Variants in RBM20 observed in about 807,000 individuals in gnomAD.
RBM20 encodes RNA binding motif protein 20, also known as RNA-binding protein 20.
In RBM20, 51 loss-of-function variants were observed where a neutral mutation model predicts 110.1. That is an observed-to-expected ratio of 0.46 (90% CI 0.37 to 0.59). The LOEUF is 0.59. Ranked by LOEUF, RBM20 falls within the 20% of genes least tolerant of loss-of-function variation. The pLI, the probability that RBM20 is intolerant of heterozygous loss-of-function variation, is 0.00. For missense variants in RBM20, 1,512 were observed against 1,574.9 expected, an observed-to-expected ratio of 0.96 and a Z score of 0.68; for synonymous variants, 589 against 618.2, an observed-to-expected ratio of 0.95 and a Z score of 0.70.
At chr10:110,814,805 T>C (rs1400235563) in intron 9 of RBM20, among the ~76,000 whole-genome samples, 2 of 152,204 alleles carry the variant, frequency 1.3e-5, no homozygotes, top group African/African-American at 2.4e-5. Flanking sequence ...AGATTCTTGA[T>C]AGAAGCAGAA....
intron 1 of RBM20, among the ~76,000 whole-genome samples, chr10:110,751,516 C>A (rs1843853428): frequency 6.6e-6 from 1 of 152,210 alleles, no homozygotes; most frequent in South Asian, 2.1e-4. Context: ...CTTTCCTACA[C>A]ATAAAATAAT....
In RBM20 at chr10:110,778,149, A is replaced by G. The variant is rs1177193491; in HGVS notation, c.192-2652A>G. On this transcript the variant is annotated intron_variant, in intron 1 of 13. Transcript: ENST00000369519. ...TTGTTTGCAACCAGCCCGGCTCCCC[A>G]AAGGAGAACAGGGCTGTAACTACCT... Among the ~76,000 whole-genome samples, 3 of 152,192 alleles carry G rather than the reference A, an allele frequency of 2.0e-5. No individual in the cohort carries two copies. The East Asian group carries it at 5.8e-4, about 29-fold the overall frequency.
In RBM20 at chr10:110,801,610, C is replaced by T. The variant is rs2135082291; in HGVS notation, c.1800+1692C>T. ...AGCGCAGTGGTGCAATTTTGGCTCA[C>T]TGCAATCTCCACCTCCCAGGTTCAA... On this transcript the variant is annotated intron_variant, in intron 7 of 13. Coordinates refer to ENST00000369519, the MANE Select transcript of RBM20 (RefSeq NM_001134363.3). Among the ~76,000 whole-genome samples, 3 of 151,850 alleles carry T rather than the reference C, an allele frequency of 2.0e-5. No homozygotes were observed. The Middle Eastern group carries it at 0.01, about 516-fold the overall frequency.
chr10:110,695,429 A>G (rs1862648458), intron 1 of RBM20, among the ~76,000 whole-genome samples: 2 of 152,204 alleles, frequency 1.3e-5, no homozygotes, highest in African/African-American at 2.4e-5. Flanking sequence ...ATTTCAGAGC[A>G]GTGTGTTTGT....
At chr10:110,822,235 T>C (rs1844923807) in intron 11 of RBM20, among the ~76,000 whole-genome samples, 1 of 152,208 alleles carries the variant, frequency 6.6e-6, no homozygotes. Context: ...TAACTAAAAT[T>C]AGACTGGGTT....
intron 1 of RBM20, among the ~76,000 whole-genome samples, chr10:110,669,557 A>G (rs1862230338): frequency 6.6e-6 from 1 of 152,214 alleles, no homozygotes; most frequent in Non-Finnish European, 1.5e-5. Context: ...TTGCTTTCAA[A>G]TCTGAAAACT....
intron 1 of RBM20, among the ~76,000 whole-genome samples, chr10:110,748,339 AGCCCTGTGGGGAGGGCTCATGG>A (rs1843809664): frequency 6.6e-6 from 1 of 152,212 alleles, no homozygotes; most frequent in Non-Finnish European, 1.5e-5. Flanking sequence ...CAAGCCAGTG[AGCCCTGTGGGGAGGGCTCATGG>A]GCCCTGGACT....
At chr10:110,752,277 A>G (rs1044732726) in intron 1 of RBM20, among the ~76,000 whole-genome samples, 4 of 152,194 alleles carry the variant, frequency 2.6e-5, no homozygotes, top group African/African-American at 9.7e-5. Flanking sequence ...AGAATGTCAC[A>G]TAGTTAAAAT....
chr10:110,831,730 A>G (rs1244948472), intron 13 of RBM20, among the ~76,000 whole-genome samples: 1 of 151,810 alleles, frequency 6.6e-6, no homozygotes, highest in Non-Finnish European at 1.5e-5. Flanking sequence ...CCATACAGCA[A>G]ATACTTATCA....
chr10:110,643,262 G>C (rs1186166537), upstream of RBM20, among the ~76,000 whole-genome samples: 2 of 152,250 alleles, frequency 1.3e-5, no homozygotes, highest in East Asian at 3.9e-4. Context: ...CTGTATGCCG[G>C]ACAGCCGGTA....
chr10:110,799,131 A>G (rs1337924233), intron 6 of RBM20, among the ~76,000 whole-genome samples: 1 of 152,178 alleles, frequency 6.6e-6, no homozygotes, highest in African/African-American at 2.4e-5. Context: ...ATTTTTTTAT[A>G]AGGAAAGTAG....
At chr10:110,831,008 C>A (rs749654629) in intron 12 of RBM20, 53 bp from the exon 13 acceptor site, 4 of 1,499,976 alleles carry the variant, frequency 2.7e-6, no homozygotes, top group Middle Eastern at 1.7e-4. Flanking sequence ...GACACAGGGG[C>A]CTGCCTCCCA....
chr10:110,787,463 CT>C (rs2135055618), intron 5 of RBM20, among the ~76,000 whole-genome samples: 2 of 152,346 alleles, frequency 1.3e-5, no homozygotes, highest in African/African-American at 4.8e-5. Context: ...GAAACCCATG[CT>C]GTCTAAGGCT....
chr10:110,694,739 A>G (rs1457131735), intron 1 of RBM20, among the ~76,000 whole-genome samples: 1 of 152,210 alleles, frequency 6.6e-6, no homozygotes, highest in Non-Finnish European at 1.5e-5. Context: ...GGATTATACC[A>G]TAAGAAGGCA....
At chr10:110,667,421 C>G (rs1217035775) in intron 1 of RBM20, among the ~76,000 whole-genome samples, 2 of 152,018 alleles carry the variant, frequency 1.3e-5, no homozygotes, top group Non-Finnish European at 1.5e-5. Context: ...CTACCTGGCT[C>G]CATTTTATTT....
At chr10:110,791,082 G>T (rs1318223318) in intron 5 of RBM20, among the ~76,000 whole-genome samples, 2 of 152,176 alleles carry the variant, frequency 1.3e-5, no homozygotes, top group East Asian at 3.8e-4. Context: ...TAAAATATTT[G>T]AAAGCATCAA....
Position 110,771,153 on chromosome 10 carries a change from G to GT in RBM20, c.192-9648_192-9647insT, listed in dbSNP as rs200768745. 2.6e-3 allele frequency among the ~76,000 whole-genome samples: 400 copies of GT among 151,814 alleles called. 9 individuals are homozygous for GT. The East Asian group carries it at 0.052, about 20-fold the overall frequency. ...CATGTCCATGGATAAATTTTTTTTTGGTTTTTTTTGTGGGTTTTTTTGAGA... is the reference window on the plus strand; with the variant it reads ...CATGTCCATGGATAAATTTTTTTTTGTGTTTTTTTTGTGGGTTTTTTTGAGA... On this transcript the variant is annotated intron_variant, in intron 1 of 13. Transcript: ENST00000369519.
intron 1 of RBM20, among the ~76,000 whole-genome samples, chr10:110,751,989 A>G (rs77463989): frequency 0.013 from 2,018 of 152,186 alleles, 43 homozygotes; most frequent in African/African-American, 0.046. Context: ...CCTATGGCCA[A>G]CATCCCCCAC....
Position 110,644,435 on chromosome 10 carries a change from C to A in RBM20, c.-20C>A. The A allele has an allele frequency of 6.9e-7, 1 of 1,458,902 alleles. No homozygotes were observed. The highest frequency in any genetic ancestry group is 1.4e-5 in the South Asian group (1 of 73,310). The allele number at this position is 1,458,902 out of a possible 1,614,324, so 90.4% of individuals were successfully genotyped here. A position where few individuals can be genotyped will look rare whatever the true frequency, so the allele number is the denominator to read the frequency against. On this transcript the variant is annotated 5_prime_UTR_variant, in exon 1 of 14. Transcript: ENST00000369519. This position sits in a 1 kb window ranked among gnomAD's most constrained non-coding sequence, Gnocchi z 4.3. Reference sequence around the variant, plus strand: ...TCCCTTGAGCTCTCTCGCCGCGATCCCGGGCGGGTCTCGCCCCGCATGGTG... The same window carrying A: ...TCCCTTGAGCTCTCTCGCCGCGATCACGGGCGGGTCTCGCCCCGCATGGTG...
Sources: allele counts gnomAD v4.1 joint callset (sites outside exome capture counted in the v4.1 genomes callset), GRCh38; gene constraint gnomAD v4.1.1; non-coding constraint Gnocchi (gnomAD v3.1); transcripts MANE v1.5; gene names NCBI Gene and HGNC (gene_info 2026-07-23, HGNC 2026-07-21).